The following PRKG1 variants were observed in gnomAD, a reference collection of about 807,000 sequenced individuals.
PRKG1 encodes protein kinase cGMP-dependent 1, also known as cGMP-dependent protein kinase 1.
Under a neutral mutation model 88.1 loss-of-function variants are expected in PRKG1, and 35 were observed. That is an observed-to-expected ratio of 0.40 (90% confidence interval 0.30 to 0.53). PRKG1 has a LOEUF of 0.53. PRKG1 is among the 20% of genes least tolerant of loss of function. The pLI is 0.59. For synonymous variants in PRKG1, 303 were observed against 292.5 expected (o/e 1.04, Z -0.37); for missense variants, 540 against 839.8 (o/e 0.64, Z 4.41).
intron 5 of PRKG1, among the ~76,000 whole-genome samples, chr10:52,007,169 A>G (rs1430792681): frequency 3.9e-5 from 6 of 152,222 alleles, no homozygotes; most frequent in Admixed American, 1.3e-4. Context: ...GTACAAAAAC[A>G]CACTTAAGTA....
chr10:51,629,291 AC>A, intron 3 of PRKG1, among the ~76,000 whole-genome samples: 1 of 152,132 alleles, frequency 6.6e-6, no homozygotes, highest in East Asian at 1.9e-4. Flanking sequence ...TTTTCCATGG[AC>A]TGAGGTGGGG....
chr10:52,127,078 T>C (rs778325306), intron 7 of PRKG1, among the ~76,000 whole-genome samples: 1 of 151,946 alleles, frequency 6.6e-6, no homozygotes, highest in South Asian at 2.1e-4. Context: ...AGGGCAGAGA[T>C]AGTGGTGGCC....
intron 2 of PRKG1, among the ~76,000 whole-genome samples, chr10:51,407,644 G>C (rs886947552): frequency 1.3e-5 from 2 of 152,154 alleles, no homozygotes; most frequent in African/African-American, 4.8e-5. Context: ...ACCTCAACAG[G>C]TTGTGTTTTT....
At chr10:51,651,841 C>T (rs1455595623) in intron 3 of PRKG1, among the ~76,000 whole-genome samples, 1 of 152,104 alleles carries the variant, frequency 6.6e-6, no homozygotes, top group Admixed American at 6.6e-5. Flanking sequence ...CTCAGCCTCC[C>T]AAAGTGCTGG....
intron 2 of PRKG1, among the ~76,000 whole-genome samples, chr10:51,375,074 A>G (rs1023830764): frequency 3.9e-5 from 6 of 152,330 alleles, no homozygotes; most frequent in African/African-American, 1.4e-4. Context: ...ACCTTTTGCC[A>G]TACTCTATTG....
chr10:52,045,095 T>C (rs1174851784), intron 5 of PRKG1, among the ~76,000 whole-genome samples: 1 of 152,110 alleles, frequency 6.6e-6, no homozygotes, highest in African/African-American at 2.4e-5. Context: ...CCCTAGGTAC[T>C]TTCACATCTA....
chr10:51,672,191 T>TA (rs1554830734), intron 3 of PRKG1, among the ~76,000 whole-genome samples: 8 of 152,098 alleles, frequency 5.3e-5, no homozygotes, highest in Non-Finnish European at 1.0e-4. Context: ...AGTGTCTACC[T>TA]TTAGTCTCTT....
At chr10:51,187,183 A>G (rs1248789149) in intron 2 of PRKG1, among the ~76,000 whole-genome samples, 4 of 151,714 alleles carry the variant, frequency 2.6e-5, no homozygotes, top group Non-Finnish European at 5.9e-5. Context: ...CAAATCATAT[A>G]GAATATGATT....
chr10:51,302,751 T>G (rs1022880366), intron 2 of PRKG1: 1 of 152,170 alleles, frequency 6.6e-6, no homozygotes, highest in South Asian at 2.1e-4. Context: ...GCACTCACAA[T>G]GGACAGGCTG....
intron 1 of PRKG1, among the ~76,000 whole-genome samples, chr10:51,110,984 T>C (rs1844967416): frequency 6.6e-6 from 1 of 152,160 alleles, no homozygotes; most frequent in Admixed American, 6.6e-5. Flanking sequence ...GAGAGTTTTT[T>C]GTCATCCCTG....
At chr10:51,781,853 C>T (rs1425033393) in intron 3 of PRKG1, among the ~76,000 whole-genome samples, 1 of 152,018 alleles carries the variant, frequency 6.6e-6, no homozygotes, top group Non-Finnish European at 1.5e-5. Flanking sequence ...TGAACATTCA[C>T]CATCAGTTAT....
intron 3 of PRKG1, among the ~76,000 whole-genome samples, chr10:51,609,384 T>G (rs1838846276): frequency 6.6e-6 from 1 of 152,192 alleles, no homozygotes. Context: ...ATTTACACTT[T>G]TGGTGAGAAT....
At chr10:51,608,075 G>A (rs554165666) in intron 3 of PRKG1, among the ~76,000 whole-genome samples, 8 of 152,136 alleles carry the variant, frequency 5.3e-5, no homozygotes, top group East Asian at 1.9e-4. Flanking sequence ...ACTTGCTGTC[G>A]ATTAAATACT....
chr10:52,004,806 A>G (rs1844688477), intron 5 of PRKG1, among the ~76,000 whole-genome samples: 1 of 152,176 alleles, frequency 6.6e-6, no homozygotes, highest in African/African-American at 2.4e-5. Flanking sequence ...TCATGCCGGT[A>G]ATCCCAGCAC....
intron 2 of PRKG1, among the ~76,000 whole-genome samples, chr10:51,435,419 T>C (rs1293228629): frequency 4.0e-5 from 3 of 74,684 alleles, no homozygotes; most frequent in African/African-American, 1.9e-4. Flanking sequence ...CAAGGGACAT[T>C]ACTGACATAT....
At position 51,961,091 on chromosome 10, in the gene PRKG1, A is replaced by C. The variant is rs541538537; in HGVS notation, c.762+53521A>C. The stretch of plus-strand genomic sequence containing the variant: ...AAAGTTAGTTTTATAAGGTTAGTGA[A>C]TGTAATTTTCTCTTTCTTCATTATA... On this transcript the variant is annotated intron_variant, in intron 5 of 17. Coordinates refer to ENST00000373980, the MANE Select transcript of PRKG1 (RefSeq NM_006258.4). Among the ~76,000 whole-genome samples, 3 of 152,308 alleles carry C rather than the reference A, an allele frequency of 2.0e-5. No homozygotes were observed. The South Asian group carries it at 6.2e-4, about 32-fold the overall frequency.
chr10:52,178,967 A>G (rs757512426), intron 9 of PRKG1, among the ~76,000 whole-genome samples: 3 of 150,284 alleles, frequency 2.0e-5, no homozygotes, highest in Non-Finnish European at 3.0e-5. Flanking sequence ...TAGCCAATCT[A>G]TATTTTTCAA....
chr10:51,767,660 A>G (rs1293214488), intron 3 of PRKG1, among the ~76,000 whole-genome samples: 1 of 152,162 alleles, frequency 6.6e-6, no homozygotes, highest in Non-Finnish European at 1.5e-5. Flanking sequence ...TCAGGCTGTT[A>G]GAACAGATGA....
chr10:52,121,339 T>C (rs987244762), intron 7 of PRKG1, among the ~76,000 whole-genome samples: 1 of 152,216 alleles, frequency 6.6e-6, no homozygotes, highest in African/African-American at 2.4e-5. Flanking sequence ...CCATCCATAT[T>C]ACTATTTTTA....
Sources: gnomAD v4.1 joint callset for allele counts (sites outside exome capture counted in the v4.1 genomes callset) on GRCh38, gnomAD v4.1.1 for gene constraint, MANE v1.5 for transcripts, NCBI Gene and HGNC (gene_info 2026-07-23, HGNC 2026-07-21) for gene names.